The following TMEM44 variants were observed in gnomAD, a reference collection of about 807,000 sequenced individuals.
TMEM44 encodes transmembrane protein 44.
Under a neutral mutation model 47.8 loss-of-function variants are expected in TMEM44, and 43 were observed. The ratio of observed to expected loss-of-function variants is 0.90; its 90% CI spans 0.70 to 1.16. The LOEUF (loss-of-function observed/expected upper bound fraction) is 1.16, where lower values mean the gene tolerates loss of function less well. Ranked by LOEUF, TMEM44 falls within the 50% of genes most tolerant of loss-of-function variation. The probability of loss-of-function intolerance (pLI) is 0.00; values close to 1 mark genes in which losing one functional copy is unlikely to be tolerated. For missense variants in TMEM44, 568 were observed against 555.2 expected, an observed-to-expected ratio of 1.02 and a Z score of -0.23; for synonymous variants, 277 against 238.8, an observed-to-expected ratio of 1.16 and a Z score of -1.48.
rs368754640 is a variant in TMEM44, at chr3:194,590,244, T to C, written c.1177-1605A>G. The C allele has an allele frequency of 2.0e-5, 3 of 152,214 alleles. No homozygotes were observed. In the South Asian group the frequency reaches 6.2e-4, roughly 32 times the overall value. 9.4% of individuals were successfully genotyped at this position (152,214 alleles called of 1,614,324 possible). A position where few individuals can be genotyped will look rare whatever the true frequency, so the allele number is the denominator to read the frequency against. ...GACAGAAATAAAGAGCCCAGTTTGT[T>C]AGTGATTTACTGATAATAACTGAAT... On this transcript the variant is annotated intron_variant, in intron 9 of 9. Coordinates refer to ENST00000347147, the MANE Select transcript of TMEM44 (RefSeq NM_001011655.3).
chr3:194,618,585 A>G (rs1716201215), intron 5 of TMEM44, among the ~76,000 whole-genome samples: 1 of 148,424 alleles, frequency 6.7e-6, no homozygotes, highest in African/African-American at 2.4e-5. Flanking sequence ...TAGTTTATAT[A>G]TATAATTCAG....
intron 1 of TMEM44, 46 bp downstream of exon 1, chr3:194,633,033 C>A: frequency 6.5e-7 from 1 of 1,542,066 alleles, no homozygotes; most frequent in Non-Finnish European, 8.7e-7. Context: ...AGGGGATTGG[C>A]GCCCGTTTCC....
rs763569242 is a variant in TMEM44, at chr3:194,623,478, T to C, written c.525+51A>G. ...CCCGGCCTCATCCCACCCTGGGCAT[T>C]TGGCAGGACATGCAGTACCCCGAGT... On this transcript the variant is annotated intron_variant, in intron 4 of 9. Coordinates refer to ENST00000347147, the MANE Select transcript of TMEM44 (RefSeq NM_001011655.3). The C allele has an allele frequency of 1.2e-5, 19 of 1,537,676 alleles. No individual in the cohort carries two copies. In the South Asian group the frequency reaches 1.7e-4, roughly 14 times the overall value.
chr3:194,629,277 A>T (rs1317030406), intron 1 of TMEM44, among the ~76,000 whole-genome samples: 1 of 152,210 alleles, frequency 6.6e-6, no homozygotes, highest in African/African-American at 2.4e-5. Context: ...ATTCTTCTAA[A>T]CCATCTGTGA....
chr3:194,597,464 T>A (rs1417992697), intron 9 of TMEM44: 4 of 151,882 alleles, frequency 2.6e-5, no homozygotes, highest in Non-Finnish European at 5.9e-5. Flanking sequence ...TTCATGACCA[T>A]CCTGGCCAAC....
At chr3:194,620,159 T>C (rs1716363386) in intron 5 of TMEM44, among the ~76,000 whole-genome samples, 1 of 151,584 alleles carries the variant, frequency 6.6e-6, no homozygotes, top group Non-Finnish European at 1.5e-5. Context: ...GGCGTGGTGG[T>C]GCATGCCTGT....
intron 9 of TMEM44, among the ~76,000 whole-genome samples, chr3:194,600,583 C>T (rs1247908727): frequency 1.3e-5 from 2 of 151,970 alleles, no homozygotes; most frequent in African/African-American, 2.4e-5. Context: ...CTCATCTCTA[C>T]TAAAATATTA....
chr3:194,603,187 G>C (rs1249050070), intron 9 of TMEM44, among the ~76,000 whole-genome samples: 1 of 152,232 alleles, frequency 6.6e-6, no homozygotes, highest in Non-Finnish European at 1.5e-5. Flanking sequence ...GAACAGCTCA[G>C]ACCTGAGAGT....
chr3:194,613,367 G>A (rs974129203), intron 7 of TMEM44, among the ~76,000 whole-genome samples: 4 of 144,134 alleles, frequency 2.8e-5, no homozygotes, highest in African/African-American at 7.7e-5. Flanking sequence ...TAGTAGAGAC[G>A]GAGTTTCACC....
chr3:194,625,972 G>A lies in TMEM44; in HGVS notation c.283C>T (p.Leu95=), dbSNP rs770042866. 16 of 1,613,550 alleles carry A rather than the reference G, an allele frequency of 9.9e-6. No individual in the cohort carries two copies. The African/African-American group carries it at 2.0e-4, about 20-fold the overall frequency. The change falls in exon 3 of 10, where the codon CTA becomes TTA. Residue 95 remains leucine (L), a synonymous_variant. Transcript: ENST00000347147. ...LTIQVFTGAY[L]AAIDLVNFMF... ...AAGTTCACTAAGTCAATAGCTGCTA[G>A]GTAGGCACCAGTGAAAACCTGGGAG...
intron 8 of TMEM44, 34 bp downstream of exon 8, chr3:194,610,882 C>T: frequency 6.3e-7 from 1 of 1,591,874 alleles, no homozygotes; most frequent in Non-Finnish European, 8.6e-7. Flanking sequence ...TTCCCATCCT[C>T]TCAGACACCT....
At position 194,623,321 on chromosome 3, in the gene TMEM44, G is replaced by A. The variant is rs745714389; in HGVS notation, c.526-11C>T. On this transcript the variant is annotated splice_polypyrimidine_tract_variant and intron_variant, in intron 4 of 9. Transcript: ENST00000347147. Reference sequence around the variant, plus strand: ...GATCTCAGTATTTTCCTGCAAGAACGAACAGGTGATCCACCATCAGTACTC... The same window carrying A: ...GATCTCAGTATTTTCCTGCAAGAACAAACAGGTGATCCACCATCAGTACTC... 6 of 1,596,918 alleles carry A rather than the reference G, an allele frequency of 3.8e-6. No homozygotes were observed. The highest frequency in any genetic ancestry group is 1.7e-5 in the Admixed American group (1 of 57,482).
chr3:194,628,787 C>A (rs545174463), intron 1 of TMEM44, among the ~76,000 whole-genome samples: 1 of 152,130 alleles, frequency 6.6e-6, no homozygotes, highest in African/African-American at 2.4e-5. Context: ...CAAATCAGGA[C>A]GGCTCCATTT....
intron 9 of TMEM44, chr3:194,590,012 C>G (rs571943811): frequency 6.6e-6 from 1 of 152,342 alleles, no homozygotes; most frequent in Admixed American, 6.5e-5. Context: ...CTGTGTCTGC[C>G]TGGGCAGACG....
intron 3 of TMEM44, among the ~76,000 whole-genome samples, chr3:194,624,342 TAAG>T (rs907222996): frequency 1.3e-5 from 2 of 152,218 alleles, no homozygotes; most frequent in East Asian, 1.9e-4. Flanking sequence ...TGAGAAACTC[TAAG>T]AAGAGCATTT....
chr3:194,598,222 C>T lies in TMEM44; in HGVS notation c.1176+6065G>A, dbSNP rs575596578. On this transcript the variant is annotated intron_variant, in intron 9 of 9. Coordinates refer to ENST00000347147, the MANE Select transcript of TMEM44 (RefSeq NM_001011655.3). Reference sequence around the variant, plus strand: ...CCAGTGCAGTCAAGTTCTCCCTCCACGCGAGCCCCACATGCCCACGGTCCT... The same window carrying T: ...CCAGTGCAGTCAAGTTCTCCCTCCATGCGAGCCCCACATGCCCACGGTCCT... Among the ~76,000 whole-genome samples the T allele has an allele frequency of 1.3e-4, 20 of 152,282 alleles. No individual in the cohort carries two copies. In the South Asian group the frequency reaches 2.3e-3, roughly 17 times the overall value.
chr3:194,596,518 G>A (rs992555944), intron 9 of TMEM44, among the ~76,000 whole-genome samples: 2 of 152,210 alleles, frequency 1.3e-5, no homozygotes, highest in Non-Finnish European at 2.9e-5. Flanking sequence ...AGTGCTGGGT[G>A]CGGCGGCTCA....
intron 3 of TMEM44, among the ~76,000 whole-genome samples, chr3:194,624,393 C>A (rs1300664096): frequency 6.6e-6 from 1 of 152,108 alleles, no homozygotes; most frequent in African/African-American, 2.4e-5. Context: ...GGGCATGCTT[C>A]ACTACACACT....
At chr3:194,631,286 T>C (rs1454609150) in intron 1 of TMEM44, among the ~76,000 whole-genome samples, 1 of 152,194 alleles carries the variant, frequency 6.6e-6, no homozygotes, top group African/African-American at 2.4e-5. Context: ...TTGTCGTACC[T>C]GCCTCCTTGC....
Sources: allele counts gnomAD v4.1 joint callset (sites outside exome capture counted in the v4.1 genomes callset), GRCh38; gene constraint gnomAD v4.1.1; transcripts MANE v1.5; gene names NCBI Gene and HGNC (gene_info 2026-07-23, HGNC 2026-07-21).